PRDM10: variants seen among roughly 807,000 people sequenced by gnomAD.
PRDM10 encodes the protein PR domain zinc finger protein 10.
In PRDM10, 65 loss-of-function variants were observed where a neutral mutation model predicts 133.1. The ratio of observed to expected loss-of-function variants is 0.49; its 90% confidence interval spans 0.40 to 0.60. The LOEUF (loss-of-function observed/expected upper bound fraction) is 0.60. Ranked by LOEUF, PRDM10 falls within the 20% of genes least tolerant of loss-of-function variation. PRDM10 has a pLI of 0.00. For missense variants in PRDM10, 1,137 were observed against 1,507.1 expected (o/e 0.75, Z 4.07); for synonymous variants, 582 against 580.4 (o/e 1.00, Z -0.04).
intron 19 of PRDM10, among the ~76,000 whole-genome samples, chr11:129,907,467 C>T (rs943863704): frequency 7.2e-5 from 11 of 152,138 alleles, no homozygotes; most frequent in African/African-American, 1.9e-4. Context: ...TGCAGTGCCG[C>T]GATCTCGGCT....
In PRDM10 at chr11:129,947,996, A is replaced by C; in HGVS notation, c.295-626T>G. ...CACGTCGTGCAACACATGGTTAACA[A>C]AGTTCCATAGCTCACAGCTCTCCTT... On this transcript the variant is annotated intron_variant, in intron 4 of 20. Coordinates refer to ENST00000360871, the MANE Select transcript of PRDM10 (RefSeq NM_199437.2). The surrounding 1 kb of genome is among the most constrained non-coding windows in gnomAD (Gnocchi z 4.6). The C allele has an allele frequency of 2.2e-6, 1 of 453,974 alleles. No individual in the cohort carries two copies. Among genetic ancestry groups the C allele is most frequent in the Non-Finnish European group, 4.4e-6 (1 of 226,258 alleles). 28.1% of individuals were successfully genotyped at this position (453,974 alleles called of 1,614,324 possible).
Position 129,957,907 on chromosome 11 carries a change from G to A in PRDM10, c.73C>T (p.His25Tyr), listed in dbSNP as rs1366215054. The A allele has an allele frequency of 6.2e-7, 1 of 1,610,372 alleles. No homozygotes were observed. Among genetic ancestry groups the A allele is most frequent in the African/African-American group, 1.3e-5 (1 of 74,920 alleles). Reference sequence around the variant, plus strand: ...ACTGTTCCTGTGTCCGGAACAAAGTGCACCTGGCATAAACAGGAGACAAAG... The same window carrying A: ...ACTGTTCCTGTGTCCGGAACAAAGTACACCTGGCATAAACAGGAGACAAAG... Reference protein sequence around the residue: ...AEHEQNAAQVHFVPDTGTVAQ... With the variant: ...AEHEQNAAQVYFVPDTGTVAQ... The change falls in exon 3 of 21, where the codon CAC becomes TAC. Residue 25 changes from histidine to tyrosine, a missense_variant. His to Tyr is a moderately conservative substitution (Grantham distance 83, BLOSUM62 2). Coordinates refer to ENST00000360871, the MANE Select transcript of PRDM10 (RefSeq NM_199437.2).
At chr11:129,956,324 T>C (rs1005954744) in intron 3 of PRDM10, among the ~76,000 whole-genome samples, 3 of 152,204 alleles carry the variant, frequency 2.0e-5, no homozygotes, top group African/African-American at 7.2e-5. Flanking sequence ...TCCCAGCACT[T>C]TGGGAGGCCA....
intron 6 of PRDM10, 86 bp from the exon 7 acceptor site, chr11:129,942,715 G>T: frequency 6.5e-6 from 8 of 1,222,952 alleles, no homozygotes; most frequent in Non-Finnish European, 9.3e-6. Flanking sequence ...GCAAAATATT[G>T]CTTCTAAAAT....
At chr11:129,905,939 A>G (rs1950002950) in intron 19 of PRDM10, among the ~76,000 whole-genome samples, 198 bp from the exon 20 acceptor site, 1 of 152,262 alleles carries the variant, frequency 6.6e-6, no homozygotes, top group Admixed American at 6.5e-5. Context: ...CCAGTGTCAG[A>G]GACAATCAGT....
chr11:129,971,823 C>T (rs1320810968), intron 1 of PRDM10, among the ~76,000 whole-genome samples: 4 of 152,238 alleles, frequency 2.6e-5, no homozygotes, highest in Non-Finnish European at 5.9e-5. Flanking sequence ...AGTCCCGTGC[C>T]GTGCGCTCGC....
chr11:129,955,370 G>C, intron 4 of PRDM10, 142 bp downstream of exon 4: 1 of 675,128 alleles, frequency 1.5e-6, no homozygotes, highest in South Asian at 2.8e-5. Context: ...ATTTTGCTTT[G>C]TTTTCATTAA....
intron 18 of PRDM10, 50 bp downstream of exon 18, chr11:129,912,035 A>T (rs774811124): frequency 1.1e-5 from 16 of 1,495,226 alleles, no homozygotes; most frequent in Non-Finnish European, 1.4e-5. Flanking sequence ...TAACTCTGAT[A>T]ATCCCTGAAG....
intron 1 of PRDM10, among the ~76,000 whole-genome samples, chr11:129,963,381 A>T (rs1248435140): frequency 3.4e-5 from 1 of 29,218 alleles, no homozygotes. Context: ...GAAAGAAAAA[A>T]GAGAGAAGAG....
chr11:129,930,055 G>A (rs776253321), intron 11 of PRDM10, among the ~76,000 whole-genome samples: 2 of 152,310 alleles, frequency 1.3e-5, no homozygotes, highest in Non-Finnish European at 2.9e-5. Flanking sequence ...GCTATCATAT[G>A]ACTACAAATG....
At position 129,910,642 on chromosome 11, in the gene PRDM10, C is replaced by T. The variant is rs146105085; in HGVS notation, c.2997G>A (p.Pro999=). The T allele has an allele frequency of 7.5e-4, 1,186 of 1,577,320 alleles. 24 individuals carry two copies. The South Asian group carries it at 0.012, about 16-fold the overall frequency. Residue 999 remains proline (P), a synonymous_variant, in exon 19 of 21, where the codon CCG becomes CCA. Coordinates refer to ENST00000360871, the MANE Select transcript of PRDM10 (RefSeq NM_199437.2). ...GAGCCTGCTGGGCTGAGGGACTCAACGGCTGCCCAGATACCTGGGGAGAAA... is the reference window on the plus strand; with the variant it reads ...GAGCCTGCTGGGCTGAGGGACTCAATGGCTGCCCAGATACCTGGGGAGAAA... The part of the protein sequence containing the change: ...APSSAQVSGQ[P]LSPSAQQAQQ...
At chr11:129,990,081 C>T (rs1183149329) in intron 1 of PRDM10, among the ~76,000 whole-genome samples, 2 of 152,008 alleles carry the variant, frequency 1.3e-5, no homozygotes, top group Non-Finnish European at 2.9e-5. Flanking sequence ...CGTGGTGGCT[C>T]ACACCTGTAA....
chr11:129,995,635 G>A (rs1175661730), intron 1 of PRDM10, among the ~76,000 whole-genome samples: 1 of 151,410 alleles, frequency 6.6e-6, no homozygotes, highest in South Asian at 2.1e-4. Flanking sequence ...ACAAAAATAA[G>A]AATCTTGAAA....
chr11:129,970,428 A>G (rs1412644177), intron 1 of PRDM10, among the ~76,000 whole-genome samples: 5 of 149,984 alleles, frequency 3.3e-5, no homozygotes, highest in Non-Finnish European at 7.4e-5. Flanking sequence ...CCTAGCCCAC[A>G]TGCTCAGCCA....
At chr11:129,985,154 C>T (rs1384894134) in intron 1 of PRDM10, among the ~76,000 whole-genome samples, 1 of 152,130 alleles carries the variant, frequency 6.6e-6, no homozygotes, top group Non-Finnish European at 1.5e-5. Flanking sequence ...CAGTCTTCTG[C>T]TTAGGAGCTA....
intron 19 of PRDM10, among the ~76,000 whole-genome samples, chr11:129,908,396 T>TC (rs1040708442): frequency 6.9e-5 from 2 of 28,968 alleles, no homozygotes; most frequent in African/African-American, 3.2e-4. Flanking sequence ...ATCACTTGAG[T>TC]CCAGGTCAAA....
At chr11:129,946,006 G>C (rs554892684) in intron 5 of PRDM10, among the ~76,000 whole-genome samples, 1 of 152,040 alleles carries the variant, frequency 6.6e-6, no homozygotes, top group African/African-American at 2.4e-5. Flanking sequence ...GGAGGCTGAG[G>C]TGGGCGGATC....
rs565148058 is a variant in PRDM10, at chr11:129,941,190, A to G, written c.966+1236T>C. Among the ~76,000 whole-genome samples the G allele has an allele frequency of 3.9e-5, 6 of 152,204 alleles. No homozygotes were observed. In the South Asian group the frequency reaches 1.2e-3, roughly 31 times the overall value. ...TTGTACCATATGGAGGCACTGTGCA[A>G]TTCAGTGTTTGTGTACTTATATGAT... On this transcript the variant is annotated intron_variant, in intron 7 of 20. Transcript: ENST00000360871.
At position 129,947,085 on chromosome 11, in the gene PRDM10, C is replaced by T. The variant is rs146088148; in HGVS notation, c.520+60G>A. 3.8e-4 allele frequency: 609 copies of T among 1,591,044 alleles called. 8 individuals are homozygous for T. In the East Asian group the frequency reaches 0.011, roughly 29 times the overall value. Reference sequence around the variant, plus strand: ...GGAGCTATGTTCACACACACGCACACGTACACAGACACACAAGATGGACAC... The same window carrying T: ...GGAGCTATGTTCACACACACGCACATGTACACAGACACACAAGATGGACAC... On this transcript the variant is annotated intron_variant, in intron 5 of 20. Transcript: ENST00000360871. The surrounding 1 kb of genome is among the most constrained non-coding windows in gnomAD (Gnocchi z 4.6).
Sources: allele counts gnomAD v4.1 joint callset (sites outside exome capture counted in the v4.1 genomes callset), GRCh38; gene constraint gnomAD v4.1.1; non-coding constraint Gnocchi (gnomAD v3.1); transcripts MANE v1.5; gene names NCBI Gene and HGNC (gene_info 2026-07-23, HGNC 2026-07-21).